The following LSAMP variants were observed in gnomAD, a reference collection of about 807,000 sequenced individuals.
The protein encoded by LSAMP is limbic system associated membrane protein.
In LSAMP, 7 loss-of-function variants were observed where a neutral mutation model predicts 38.6. The observed-to-expected ratio is 0.18, with a 90% CI of 0.10 to 0.34. LSAMP has a LOEUF of 0.34. Ranked by LOEUF, LSAMP falls within the 10% of genes least tolerant of loss-of-function variation. LSAMP has a pLI of 1.00. For missense variants in LSAMP, 313 were observed against 420.0 expected (o/e 0.75, Z 2.23); for synonymous variants, 154 against 166.8 (o/e 0.92, Z 0.59).
At chr3:116,004,623 CATAT>C (rs144873648) in intron 3 of LSAMP, among the ~76,000 whole-genome samples, 2,015 of 150,392 alleles carry the variant, frequency 0.013, 27 homozygotes, top group African/African-American at 0.034. Context: ...CATATATAAA[CATAT>C]ATACATAAGC....
intron 1 of LSAMP, among the ~76,000 whole-genome samples, chr3:116,203,842 A>C (rs532920955): frequency 1.3e-5 from 2 of 152,250 alleles, no homozygotes; most frequent in East Asian, 3.9e-4. Flanking sequence ...GCTATTGTGA[A>C]TAATGCCGCA....
chr3:115,810,074 C>T lies in LSAMP; in HGVS notation c.*243G>A, dbSNP rs535403439. On this transcript the variant is annotated 3_prime_UTR_variant, in exon 7 of 7. Coordinates refer to ENST00000490035, the MANE Select transcript of LSAMP (RefSeq NM_002338.5). ...TTTGCTTAGTAGATATAAACATATCCCAGTAGAACCTTCTCCATCCTGAAT... is the reference window on the plus strand; with the variant it reads ...TTTGCTTAGTAGATATAAACATATCTCAGTAGAACCTTCTCCATCCTGAAT... 1 of 455,200 alleles carries T rather than the reference C, an allele frequency of 2.2e-6. No homozygotes were observed. The highest frequency in any genetic ancestry group is 3.9e-6 in the Non-Finnish European group (1 of 254,438). 28.2% of individuals were successfully genotyped at this position (455,200 alleles called of 1,614,324 possible).
intron 1 of LSAMP, among the ~76,000 whole-genome samples, chr3:116,293,589 A>G (rs928795493): frequency 1.3e-5 from 2 of 150,554 alleles, no homozygotes; most frequent in East Asian, 3.8e-4. Flanking sequence ...GAGATTTATT[A>G]TCATATTGAG....
intron 6 of LSAMP, among the ~76,000 whole-genome samples, chr3:115,825,615 T>C (rs1388279049): frequency 6.6e-6 from 1 of 152,208 alleles, no homozygotes; most frequent in African/African-American, 2.4e-5. Flanking sequence ...TGTGTGACCA[T>C]ACAATTAAGC....
intron 3 of LSAMP, among the ~76,000 whole-genome samples, chr3:116,001,165 T>C (rs75671056): frequency 0.012 from 1,885 of 152,138 alleles, 34 homozygotes; most frequent in African/African-American, 0.043. Context: ...CTAAAGTGCT[T>C]TGTGGATCAT....
chr3:115,912,355 T>G (rs564720962), intron 3 of LSAMP, among the ~76,000 whole-genome samples: 6 of 152,324 alleles, frequency 3.9e-5, no homozygotes, highest in African/African-American at 1.4e-4. Context: ...TAATTTTTTC[T>G]TTTTGTGCAT....
At chr3:116,118,786 A>C (rs1209905089) in intron 1 of LSAMP, among the ~76,000 whole-genome samples, 5 of 152,246 alleles carry the variant, frequency 3.3e-5, no homozygotes, top group East Asian at 3.8e-4. Flanking sequence ...GGACTCAAAT[A>C]CAAATCCAAA....
intron 1 of LSAMP, among the ~76,000 whole-genome samples, chr3:116,328,281 C>A (rs1314094023): frequency 6.6e-6 from 1 of 152,152 alleles, no homozygotes; most frequent in African/African-American, 2.4e-5. Flanking sequence ...CTTCTCTAAA[C>A]CACAAAGAGC....
chr3:116,225,480 T>A (rs562710232), intron 1 of LSAMP, among the ~76,000 whole-genome samples: 1 of 152,288 alleles, frequency 6.6e-6, no homozygotes, highest in South Asian at 2.1e-4. Context: ...ACCCAGTATG[T>A]GGTAATTTGT....
intron 1 of LSAMP, among the ~76,000 whole-genome samples, chr3:116,167,526 ATCTC>A (rs1710089480): frequency 6.6e-6 from 1 of 151,962 alleles, no homozygotes; most frequent in Non-Finnish European, 1.5e-5. Flanking sequence ...ATCTATATAC[ATCTC>A]TCTGATTGTC....
chr3:116,050,886 G>A (rs1941384515), intron 2 of LSAMP, among the ~76,000 whole-genome samples: 1 of 152,126 alleles, frequency 6.6e-6, no homozygotes, highest in African/African-American at 2.4e-5. Context: ...AAGATAAATT[G>A]TGCCTTATAA....
intron 1 of LSAMP, among the ~76,000 whole-genome samples, chr3:116,107,256 C>T (rs1434891841): frequency 1.3e-5 from 2 of 152,090 alleles, no homozygotes; most frequent in African/African-American, 4.8e-5. Flanking sequence ...AGAGTGAGTA[C>T]AGCTGAAGGA....
intron 1 of LSAMP, among the ~76,000 whole-genome samples, chr3:116,155,745 AT>A (rs80106328): frequency 0.25 from 37,176 of 151,696 alleles, 4,604 homozygotes; most frequent in Admixed American, 0.28. Context: ...AGAGATTTGC[AT>A]TTTTTTACCT....
intron 3 of LSAMP, among the ~76,000 whole-genome samples, chr3:115,953,788 C>CTCAA (rs1938369908): frequency 6.6e-6 from 1 of 152,210 alleles, no homozygotes; most frequent in South Asian, 2.1e-4. Flanking sequence ...TCTCACTGTG[C>CTCAA]TGTAACCACA....
intron 3 of LSAMP, among the ~76,000 whole-genome samples, chr3:115,921,006 AAT>A (rs1323738541): frequency 6.6e-6 from 1 of 152,030 alleles, no homozygotes; most frequent in Non-Finnish European, 1.5e-5. Context: ...GACTAATATA[AAT>A]ATGGCCACTC....
At chr3:115,961,446 A>C (rs1371200335) in intron 3 of LSAMP, among the ~76,000 whole-genome samples, 1 of 152,178 alleles carries the variant, frequency 6.6e-6, no homozygotes, top group Non-Finnish European at 1.5e-5. Context: ...GAAAAGCATA[A>C]GTTTTTGTGT....
intron 6 of LSAMP, among the ~76,000 whole-genome samples, chr3:115,820,292 C>T (rs917636941): frequency 6.6e-6 from 1 of 152,154 alleles, no homozygotes; most frequent in Non-Finnish European, 1.5e-5. Context: ...AAATATTAAT[C>T]TTGCTTCAGC....
At position 116,145,333 on chromosome 3, in the gene LSAMP, A is replaced by AAG. The variant is rs879422635; in HGVS notation, c.156-58779_156-58778dup. Among the ~76,000 whole-genome samples, 113 of 150,966 alleles carry AAG rather than the reference A, an allele frequency of 7.5e-4. 2 individuals carry two copies. In the East Asian group the frequency reaches 0.013, roughly 17 times the overall value. ...AATAGCTTATATATTTATATATGGA[A>AAG]AGAGAGAGAGAGAGAGATTGATTTT... On this transcript the variant is annotated intron_variant, in intron 1 of 6. Coordinates refer to ENST00000490035, the MANE Select transcript of LSAMP (RefSeq NM_002338.5).
chr3:116,059,335 T>G (rs1941549679), intron 2 of LSAMP, among the ~76,000 whole-genome samples: 1 of 152,212 alleles, frequency 6.6e-6, no homozygotes, highest in Non-Finnish European at 1.5e-5. Flanking sequence ...TTGAACAGAT[T>G]AATGCAAGAA....
Sources: gnomAD v4.1 joint callset for allele counts (sites outside exome capture counted in the v4.1 genomes callset) on GRCh38, gnomAD v4.1.1 for gene constraint, MANE v1.5 for transcripts, NCBI Gene and HGNC (gene_info 2026-07-23, HGNC 2026-07-21) for gene names.